Variants in NID1 observed in about 807,000 individuals in gnomAD.
NID1 encodes nidogen-1.
NID1 carries 76 observed loss-of-function variants against 130.6 expected under a neutral mutation model. The ratio of observed to expected loss-of-function variants is 0.58; its 90% CI spans 0.48 to 0.70. The LOEUF (loss-of-function observed/expected upper bound fraction) is 0.70, where lower values mean the gene tolerates loss of function less well. Ranked by LOEUF, NID1 falls within the 30% of genes least tolerant of loss-of-function variation. NID1 has a pLI of 0.00. For missense variants in NID1, 1,517 were observed against 1,664.8 expected, an observed-to-expected ratio of 0.91 and a Z score of 1.54; for synonymous variants, 665 against 675.1, an observed-to-expected ratio of 0.98 and a Z score of 0.23.
intron 1 of NID1, among the ~76,000 whole-genome samples, chr1:236,057,661 G>T (rs1659931880): frequency 6.6e-6 from 1 of 151,440 alleles, no homozygotes; most frequent in Admixed American, 6.6e-5. Context: ...TCTCGCCACT[G>T]CACTCCAGCC....
rs1658920461 is a variant in NID1, at chr1:236,026,060, T to C, written c.1820A>G (p.Tyr607Cys). ...DGASPSRIYT[Y>C]QWRQTITFQE... The stretch of plus-strand genomic sequence containing the variant: ...GAAGGTGATGGTCTGGCGCCACTGG[T>C]AAGTGTAGATGCGTGAAGGAGATGC... The change falls in exon 8 of 20, where the codon TAC becomes TGC. Residue 607 changes from tyrosine to cysteine, a missense_variant. Coordinates refer to ENST00000264187, the MANE Select transcript of NID1 (RefSeq NM_002508.3). The C allele has an allele frequency of 6.2e-7, 1 of 1,613,152 alleles. No homozygotes were observed. Among genetic ancestry groups the C allele is most frequent in the East Asian group, 2.2e-5 (1 of 44,810 alleles).
At chr1:235,983,821 T>C (rs16833046) in intron 15 of NID1, among the ~76,000 whole-genome samples, 37,930 of 151,980 alleles carry the variant, frequency 0.25, 5,731 homozygotes, top group East Asian at 0.62. Context: ...TTTTTAGAGA[T>C]ACTTGGTTGG....
At chr1:236,040,686 A>G (rs1037453848) in intron 4 of NID1, among the ~76,000 whole-genome samples, 1 of 149,416 alleles carries the variant, frequency 6.7e-6, no homozygotes, top group Non-Finnish European at 1.5e-5. Flanking sequence ...TTCTTGAGAC[A>G]GAGTCTTGCT....
intron 3 of NID1, among the ~76,000 whole-genome samples, chr1:236,042,825 T>C (rs530637546): frequency 1.3e-5 from 2 of 152,326 alleles, no homozygotes; most frequent in South Asian, 4.1e-4. Flanking sequence ...GACTGATGGC[T>C]GGGAGCTCCT....
At chr1:236,033,881 A>G (rs897558441) in intron 5 of NID1, among the ~76,000 whole-genome samples, 1 of 151,536 alleles carries the variant, frequency 6.6e-6, no homozygotes, top group African/African-American at 2.5e-5. Context: ...AGAACTAAAG[A>G]AATTAAATTG....
intron 12 of NID1, among the ~76,000 whole-genome samples, chr1:236,003,947 C>T (rs1331835848): frequency 1.3e-5 from 2 of 149,226 alleles, no homozygotes; most frequent in Non-Finnish European, 3.0e-5. Flanking sequence ...GCACAAGAAT[C>T]GCTTGAACCC....
chr1:236,017,036 C>T (rs1658613883), intron 10 of NID1, 112 bp downstream of exon 10: 1 of 1,436,034 alleles, frequency 7.0e-7, no homozygotes, highest in Admixed American at 1.7e-5. Flanking sequence ...AATTGCTCTT[C>T]CCAGCACCTT....
chr1:236,016,338 A>G (rs2102819376), intron 10 of NID1, among the ~76,000 whole-genome samples: 1 of 152,258 alleles, frequency 6.6e-6, no homozygotes. Context: ...TTTGAGACAG[A>G]GCAAAAAGAA....
intron 4 of NID1, among the ~76,000 whole-genome samples, chr1:236,040,335 T>C (rs1404266152): frequency 6.6e-6 from 1 of 152,134 alleles, no homozygotes; most frequent in Non-Finnish European, 1.5e-5. Context: ...TGGCAGCTTC[T>C]CCATTTCCGT....
Position 235,979,789 on chromosome 1 carries a change from C to T in NID1, c.3509+33G>A. 6.2e-7 allele frequency: 1 copy of T among 1,608,558 alleles called. No individual in the cohort carries two copies. Among genetic ancestry groups the T allele is most frequent in the Non-Finnish European group, 8.5e-7 (1 of 1,176,514 alleles). On this transcript the variant is annotated intron_variant, in intron 18 of 19. Transcript: ENST00000264187. The surrounding 1 kb of genome is among the most constrained non-coding windows in gnomAD (Gnocchi z 4.6). ...CAGAGACAGTGGGTGGAGGGGCAGG[C>T]CCACGCAGCCCCCATGGCTACAGCT...
chr1:235,976,754 T>TAGTATAAAACA lies in NID1; in HGVS notation c.*1112_*1113insTGTTTTATACT, dbSNP rs1316648596. ...TGAACCATTAGTATAAATATTCAAT[T>TAGTATAAAACA]CAGTCTTTCCGGATTGTGTTGTTAG... On this transcript the variant is annotated 3_prime_UTR_variant, in exon 20 of 20. Coordinates refer to ENST00000264187, the MANE Select transcript of NID1 (RefSeq NM_002508.3). The TAGTATAAAACA allele has an allele frequency of 2.0e-4, 31 of 152,316 alleles. No individual in the cohort carries two copies. Among genetic ancestry groups the TAGTATAAAACA allele is most frequent in the African/African-American group, 7.5e-4 (31 of 41,588 alleles). The allele number at this position is 152,316 out of a possible 1,614,324, so 9.4% of individuals were successfully genotyped here.
At chr1:236,021,401 G>C (rs1658759008) in intron 9 of NID1, among the ~76,000 whole-genome samples, 1 of 152,194 alleles carries the variant, frequency 6.6e-6, no homozygotes, top group Non-Finnish European at 1.5e-5. Context: ...CATACAGCCT[G>C]CACTATGCGC....
At chr1:235,992,039 G>A (rs968347275) in intron 13 of NID1, among the ~76,000 whole-genome samples, 4 of 152,110 alleles carry the variant, frequency 2.6e-5, no homozygotes, top group African/African-American at 9.7e-5. Context: ...ATGAGACAAT[G>A]TCCCAGGAGG....
chr1:236,061,910 AAAAGTCAGAAAT>A (rs1660046920), intron 1 of NID1, among the ~76,000 whole-genome samples: 1 of 152,202 alleles, frequency 6.6e-6, no homozygotes, highest in South Asian at 2.1e-4. Flanking sequence ...CCATAAATCA[AAAAGTCAGAAAT>A]AAGAAATGTT....
At chr1:236,064,592 G>C (rs1211224473) in intron 1 of NID1, 4 of 449,182 alleles carry the variant, frequency 8.9e-6, no homozygotes, top group Non-Finnish European at 1.6e-5. Context: ...AGGAAGCTCC[G>C]CGGGGTCCAT....
chr1:236,058,642 C>T (rs746428510), intron 1 of NID1, among the ~76,000 whole-genome samples: 43 of 152,154 alleles, frequency 2.8e-4, no homozygotes, highest in Non-Finnish European at 3.4e-4. Context: ...TGCAGATGCT[C>T]AATAAATTTA....
At chr1:236,051,185 C>T (rs962843822) in intron 1 of NID1, among the ~76,000 whole-genome samples, 7 of 152,098 alleles carry the variant, frequency 4.6e-5, no homozygotes, top group Non-Finnish European at 7.4e-5. Context: ...TGGAAAAACA[C>T]GAATCCAGAA....
chr1:236,013,719 A>G (rs898850902), intron 10 of NID1, among the ~76,000 whole-genome samples, 159 bp from the exon 11 acceptor site: 1 of 152,062 alleles, frequency 6.6e-6, no homozygotes, highest in Non-Finnish European at 1.5e-5. Flanking sequence ...GGCTGGTACT[A>G]CTGCTTTCAC....
At chr1:236,001,739 C>A (rs1317137869) in intron 12 of NID1, among the ~76,000 whole-genome samples, 3 of 152,268 alleles carry the variant, frequency 2.0e-5, no homozygotes, top group African/African-American at 7.2e-5. Flanking sequence ...TAGGAAAAGG[C>A]AAACAAAGAA....
Sources: allele counts gnomAD v4.1 joint callset (sites outside exome capture counted in the v4.1 genomes callset), GRCh38; gene constraint gnomAD v4.1.1; non-coding constraint Gnocchi (gnomAD v3.1); transcripts MANE v1.5; gene names NCBI Gene and HGNC (gene_info 2026-07-23, HGNC 2026-07-21).